ZNF716: variants seen among roughly 807,000 people sequenced by gnomAD.
ZNF716 encodes the protein zinc finger protein 716.
Under a neutral mutation model 13.4 loss-of-function variants are expected in ZNF716, and 9 were observed. That is an observed-to-expected ratio of 0.67 (90% CI 0.41 to 1.18). ZNF716 has a LOEUF of 1.18. ZNF716 is among the 50% of genes most tolerant of loss of function. ZNF716 has a pLI of 0.01. For synonymous variants in ZNF716, 186 were observed against 195.2 expected, an observed-to-expected ratio of 0.95 and a Z score of 0.39; for missense variants, 581 against 576.6, an observed-to-expected ratio of 1.01 and a Z score of -0.08.
At chr7:57,456,663 A>T (rs1242019767) in intron 1 of ZNF716, among the ~76,000 whole-genome samples, 2 of 151,914 alleles carry the variant, frequency 1.3e-5, no homozygotes, top group African/African-American at 4.8e-5. Context: ...TGAACCCGAG[A>T]GGTGAAGGTT....
At chr7:57,466,249 A>C (rs1411274176) in intron 3 of ZNF716, among the ~76,000 whole-genome samples, 1 of 152,166 alleles carries the variant, frequency 6.6e-6, no homozygotes, top group Non-Finnish European at 1.5e-5. Flanking sequence ...TATATAAAAA[A>C]GAATATTGTG....
chr7:57,463,270 A>T, intron 3 of ZNF716, 102 bp downstream of exon 3: 4 of 1,497,550 alleles, frequency 2.7e-6, no homozygotes, highest in Non-Finnish European at 3.6e-6. Flanking sequence ...ACTTCGATGG[A>T]AGAGTTTCTG....
chr7:57,451,007 A>G (rs1451398544), intron 1 of ZNF716, among the ~76,000 whole-genome samples: 6 of 148,258 alleles, frequency 4.0e-5, no homozygotes, highest in Non-Finnish European at 7.4e-5. Flanking sequence ...TCTTCAAGAA[A>G]GTAATTTCCA....
intron 1 of ZNF716, among the ~76,000 whole-genome samples, chr7:57,460,226 C>G (rs1789682665): frequency 6.6e-6 from 1 of 151,824 alleles, no homozygotes; most frequent in Non-Finnish European, 1.5e-5. Context: ...GAAAGTCCAT[C>G]TCTATTAAAA....
rs1335294369 is a variant in ZNF716 at position 57,472,415 on chromosome 7, T to C, written c.*2466T>C. 2.0e-4 allele frequency: 31 copies of C among 152,106 alleles called. No individual in the cohort carries two copies. The highest frequency in any genetic ancestry group is 7.5e-4 in the African/African-American group (31 of 41,414). 9.4% of individuals were successfully genotyped at this position (152,106 alleles called of 1,614,324 possible). A position where few individuals can be genotyped will look rare whatever the true frequency, so the allele number is the denominator to read the frequency against. ...TGCGTAAAAGATGGTGACAATATAC[T>C]ATTTGTTAATGTAGGGGAATGACAT... On this transcript the variant is annotated 3_prime_UTR_variant, in exon 4 of 4. Transcript: ENST00000420713.
chr7:57,467,337 T>C (rs1319618320), intron 3 of ZNF716, among the ~76,000 whole-genome samples: 1 of 127,798 alleles, frequency 7.8e-6, no homozygotes, highest in African/African-American at 2.8e-5. Context: ...CAGAAAGTTA[T>C]GTATTTTTTT....
rs1256755840 is a variant in ZNF716 at position 57,460,127 on chromosome 7, C to A, written c.40-2333C>A. Among the ~76,000 whole-genome samples, 3 of 152,160 alleles carry A rather than the reference C, an allele frequency of 2.0e-5. No individual in the cohort carries two copies. The East Asian group carries it at 5.8e-4, about 29-fold the overall frequency. On this transcript the variant is annotated intron_variant, in intron 1 of 3. Transcript: ENST00000420713. ...TTCAGGCCGGGTGCGGTGGCTCACGCCTGTAATCCGAGCACTTAGGGAGGC... is the reference window on the plus strand; with the variant it reads ...TTCAGGCCGGGTGCGGTGGCTCACGACTGTAATCCGAGCACTTAGGGAGGC...
Position 57,470,100 on chromosome 7 carries a change from A to G in ZNF716, c.*151A>G. 1 of 770,460 alleles carries G rather than the reference A, an allele frequency of 1.3e-6. No homozygotes were observed. The highest frequency in any genetic ancestry group is 1.9e-6 in the Non-Finnish European group (1 of 513,860). 47.7% of individuals were successfully genotyped at this position (770,460 alleles called of 1,614,324 possible). A position where few individuals can be genotyped will look rare whatever the true frequency, so the allele number is the denominator to read the frequency against. The stretch of plus-strand genomic sequence containing the variant: ...AATTCATATTGGACAAAAGTCTTAT[A>G]AATGTAAAAAAAAAAGTAACAGCCT... On this transcript the variant is annotated 3_prime_UTR_variant, in exon 4 of 4. Coordinates refer to ENST00000420713, the MANE Select transcript of ZNF716 (RefSeq NM_001159279.1).
intron 3 of ZNF716, 70 bp from the exon 4 acceptor site, chr7:57,468,654 T>C: frequency 1.4e-6 from 2 of 1,454,238 alleles, no homozygotes; most frequent in Non-Finnish European, 1.8e-6. Flanking sequence ...TAATTTTATA[T>C]ATTTGATTTG....
Position 57,469,268 on chromosome 7 carries a change from C to T in ZNF716, c.807C>T (p.Tyr269=), listed in dbSNP as rs782451957. Residue 269 remains tyrosine, a synonymous_variant, in exon 4 of 4, where the codon TAC becomes TAT. Coordinates refer to ENST00000420713, the MANE Select transcript of ZNF716 (RefSeq NM_001159279.1). ...GAATTCATACTGGAGAGAAACCTTA[C>T]ACATGTGAAGAACGTGGCAAAGTCT... The part of the protein sequence containing the change: ...HKRIHTGEKP[Y]TCEERGKVFS... The T allele has an allele frequency of 3.1e-6, 5 of 1,590,188 alleles. No homozygotes were observed. Among genetic ancestry groups the T allele is most frequent in the African/African-American group, 1.3e-5 (1 of 74,192 alleles).
chr7:57,458,132 T>C (rs1182004086), intron 1 of ZNF716, among the ~76,000 whole-genome samples: 1 of 152,228 alleles, frequency 6.6e-6, no homozygotes, highest in Non-Finnish European at 1.5e-5. Flanking sequence ...TGCATGTGTC[T>C]TCATGGTAGA....
chr7:57,463,304 AT>A, intron 3 of ZNF716, 136 bp downstream of exon 3: 1 of 1,206,780 alleles, frequency 8.3e-7, no homozygotes, highest in Non-Finnish European at 1.2e-6. Flanking sequence ...ATTTTTTTCT[AT>A]TATGCTTACA....
intron 3 of ZNF716, among the ~76,000 whole-genome samples, chr7:57,465,106 T>C (rs1789781110): frequency 6.6e-6 from 1 of 152,218 alleles, no homozygotes; most frequent in Admixed American, 6.5e-5. Flanking sequence ...ACTTTTAGAA[T>C]TTTGATACAG....
chr7:57,459,304 C>CTTAATAAACATT (rs371442193), intron 1 of ZNF716, among the ~76,000 whole-genome samples: 2 of 147,628 alleles, frequency 1.4e-5, no homozygotes, highest in African/African-American at 5.0e-5. Flanking sequence ...ACAGTACCTG[C>CTTAATAAACATT]TTAGTACATG....
chr7:57,469,308 C>A lies in ZNF716; in HGVS notation c.847C>A (p.Leu283Ile). Reference protein sequence around the residue: ...ERGKVFSRSTLTNYKRIHTGE... With the variant: ...ERGKVFSRSTITNYKRIHTGE... ...TGGCAAAGTCTTTAGCCGCTCAACACTTACTAACTACAAGAGAATTCATAC... is the reference window on the plus strand; with the variant it reads ...TGGCAAAGTCTTTAGCCGCTCAACAATTACTAACTACAAGAGAATTCATAC... Residue 283 changes from leucine (L) to isoleucine (I), a missense_variant, in exon 4 of 4, where the codon CTT becomes ATT. Leu to Ile is a conservative substitution (Grantham distance 5). Transcript: ENST00000420713. 2 of 1,589,382 alleles carry A rather than the reference C, an allele frequency of 1.3e-6. No individual in the cohort carries two copies. Among genetic ancestry groups the A allele is most frequent in the Non-Finnish European group, 1.7e-6 (2 of 1,165,766 alleles).
intron 1 of ZNF716, among the ~76,000 whole-genome samples, chr7:57,462,076 C>T (rs1451428465): frequency 1.3e-5 from 2 of 151,816 alleles, no homozygotes; most frequent in African/African-American, 4.8e-5. Flanking sequence ...AGGAAAATCA[C>T]TTGAACCCAG....
In ZNF716 at chr7:57,450,324, A is replaced by C. The variant is rs367754964; in HGVS notation, c.36A>C (p.Glu12Asp). The change falls in exon 1 of 4, where the codon GAA (glutamate) becomes GAC (aspartate). Residue 12 changes from glutamate (E) to aspartate (D), a missense_variant. Glu to Asp is a conservative substitution (Grantham distance 45). Coordinates refer to ENST00000420713, the MANE Select transcript of ZNF716 (RefSeq NM_001159279.1). Reference protein sequence around the residue: ...AKRPGPPGSREMGLLTFRDIA... With the variant: ...AKRPGPPGSRDMGLLTFRDIA... ...GACCGGGACCCCCTGGAAGCCGAGA[A>C]ATGGTGAGTGCTGGGTCTGTCACCG... is the stretch of plus-strand genomic sequence containing the variant. 1,039 of 1,613,812 alleles carry C rather than the reference A, an allele frequency of 6.4e-4. 1 individual carries two copies. Among genetic ancestry groups the C allele is most frequent in the Non-Finnish European group, 7.9e-4 (936 of 1,179,942 alleles).
intron 1 of ZNF716, among the ~76,000 whole-genome samples, chr7:57,452,679 T>A (rs1246621214): frequency 2.6e-5 from 4 of 152,058 alleles, no homozygotes; most frequent in African/African-American, 9.7e-5. Flanking sequence ...CCTCTGACAC[T>A]GTATTGTAAA....
chr7:57,462,332 A>G, intron 1 of ZNF716, 128 bp from the exon 2 acceptor site: 1 of 1,066,280 alleles, frequency 9.4e-7, no homozygotes, highest in Non-Finnish European at 1.4e-6. Flanking sequence ...TCACTCTTAC[A>G]AGTCAGAACC....
Sources: allele counts gnomAD v4.1 joint callset (sites outside exome capture counted in the v4.1 genomes callset), GRCh38; gene constraint gnomAD v4.1.1; transcripts MANE v1.5; gene names NCBI Gene and HGNC (gene_info 2026-07-23, HGNC 2026-07-21).